The following CHAF1B variants were observed in gnomAD, a reference collection of about 807,000 sequenced individuals.
CHAF1B encodes the protein CAF-1 subunit B.
In CHAF1B, 10 loss-of-function variants were observed where a neutral mutation model predicts 60.7. The ratio of observed to expected loss-of-function variants is 0.16; its 90% confidence interval spans 0.10 to 0.28. CHAF1B has a LOEUF of 0.28. Among genes scored for constraint, CHAF1B ranks in the 10% least tolerant of loss-of-function variants. CHAF1B has a pLI of 1.00. For synonymous variants in CHAF1B, 261 were observed against 266.1 expected (o/e 0.98, Z 0.19); for missense variants, 558 against 708.4 (o/e 0.79, Z 2.41).
chr21:36,386,181 C>G lies in CHAF1B; in HGVS notation c.45C>G (p.Pro15=), dbSNP rs376058259. The change falls in exon 2 of 14, where the codon CCC becomes CCG. Residue 15 remains proline (P), a synonymous_variant. Coordinates refer to ENST00000314103, the MANE Select transcript of CHAF1B (RefSeq NM_005441.3). ...TCEIAWHNKE[P]VYSLDFQHGT... Reference sequence around the variant, plus strand: ...AAATAGCCTGGCACAACAAGGAGCCCGTGTACAGCCTGGACTTCCAGCATG... The same window carrying G: ...AAATAGCCTGGCACAACAAGGAGCCGGTGTACAGCCTGGACTTCCAGCATG... The G allele has an allele frequency of 8.7e-6, 14 of 1,614,052 alleles. No individual in the cohort carries two copies. The highest frequency in any genetic ancestry group is 1.2e-5 in the Non-Finnish European group (14 of 1,180,032).
intron 5 of CHAF1B, among the ~76,000 whole-genome samples, chr21:36,395,543 G>T (rs1198244322): frequency 6.6e-6 from 1 of 152,186 alleles, no homozygotes; most frequent in Non-Finnish European, 1.5e-5. Flanking sequence ...AAGATGACAG[G>T]CCCGGGCCCT....
At chr21:36,404,504 G>A (rs573690264) in intron 8 of CHAF1B, among the ~76,000 whole-genome samples, 5 of 147,614 alleles carry the variant, frequency 3.4e-5, no homozygotes, top group African/African-American at 7.5e-5. Flanking sequence ...GCACGATCTC[G>A]GCTCACAGCA....
intron 6 of CHAF1B, 132 bp downstream of exon 6, chr21:36,397,643 C>T (rs1014933134): frequency 1.1e-4 from 44 of 410,566 alleles, no homozygotes; most frequent in Non-Finnish European, 1.8e-4. Context: ...TGTTTTCATA[C>T]TCATTCTTAC....
At chr21:36,401,130 A>G (rs2086184204) in intron 7 of CHAF1B, among the ~76,000 whole-genome samples, 1 of 151,810 alleles carries the variant, frequency 6.6e-6, no homozygotes, top group Admixed American at 6.6e-5. Context: ...TGCTGGGCAT[A>G]GTGGCGCATG....
intron 4 of CHAF1B, 55 bp from the exon 5 acceptor site, chr21:36,394,491 TA>T: frequency 8.0e-7 from 1 of 1,246,434 alleles, no homozygotes; most frequent in Non-Finnish European, 1.2e-6. Flanking sequence ...ATTACAGGGG[TA>T]AGCTGCTATA....
rs147344938 is a variant in CHAF1B, at chr21:36,415,465, C to T, written c.1588+76C>T. The T allele has an allele frequency of 2.9e-4, 295 of 1,032,004 alleles. No homozygotes were observed. In the African/African-American group the frequency reaches 3.6e-3, roughly 12 times the overall value. The allele number at this position is 1,032,004 out of a possible 1,614,324, so 63.9% of individuals were successfully genotyped here. On this transcript the variant is annotated intron_variant, in intron 13 of 13. Transcript: ENST00000314103. ...CTTTTGTTCTTTTGGAAATTAATGC[C>T]GCCTAATTTTAAGTCAGTTCTGAGA...
intron 5 of CHAF1B, among the ~76,000 whole-genome samples, chr21:36,396,330 G>A (rs62229409): frequency 0.097 from 13,284 of 136,390 alleles, 798 homozygotes; most frequent in Non-Finnish European, 0.13. Context: ...AAGTGTGATG[G>A]GTTGTTACTG....
intron 8 of CHAF1B, among the ~76,000 whole-genome samples, chr21:36,404,732 CTTTTT>C (rs61593376): frequency 9.9e-5 from 5 of 50,544 alleles, no homozygotes; most frequent in Admixed American, 3.7e-4. Flanking sequence ...TTGCGCTGGC[CTTTTT>C]TTTTTTTTTT....
chr21:36,404,413 A>T lies in CHAF1B; in HGVS notation c.757+1562A>T, dbSNP rs866397420. On this transcript the variant is annotated intron_variant, in intron 8 of 13. Transcript: ENST00000314103. Reference sequence around the variant, plus strand: ...CACGCCCGGCCCTTTTTTTTTTTTTAAATTATTTATTTTATTTATTTATTA... The same window carrying T: ...CACGCCCGGCCCTTTTTTTTTTTTTTAATTATTTATTTTATTTATTTATTA... 4.8e-3 allele frequency among the ~76,000 whole-genome samples: 615 copies of T among 128,950 alleles called. 9 individuals are homozygous for T. Among genetic ancestry groups the T allele is most frequent in the African/African-American group, 0.017 (554 of 31,862 alleles). The allele number at this position is 128,950 out of a possible 152,430, so 84.6% of individuals were successfully genotyped here.
intron 8 of CHAF1B, 58 bp from the exon 9 acceptor site, chr21:36,408,703 G>A: frequency 8.1e-7 from 1 of 1,242,052 alleles, no homozygotes; most frequent in Non-Finnish European, 1.2e-6. Flanking sequence ...TTCTGTTGGT[G>A]AACAGTTTGC....
chr21:36,415,500 T>G (rs2086311186), intron 13 of CHAF1B, 111 bp downstream of exon 13: 2 of 764,108 alleles, frequency 2.6e-6, no homozygotes, highest in South Asian at 3.2e-5. Context: ...ACAGCAGGGA[T>G]GCATCTTATT....
At position 36,386,282 on chromosome 21, in the gene CHAF1B, G is replaced by A. The variant is rs1420143484; in HGVS notation, c.126+20G>A. 1 of 1,612,134 alleles carries A rather than the reference G, an allele frequency of 6.2e-7. No homozygotes were observed. The highest frequency in any genetic ancestry group is 1.3e-5 in the African/African-American group (1 of 74,846). ...GTCAGGGTAAACTGGGGCAGAGATA[G>A]ACATCCGGGAACACTGCTTGAAGCA... On this transcript the variant is annotated intron_variant, in intron 2 of 13. Transcript: ENST00000314103.
intron 9 of CHAF1B, 105 bp from the exon 10 acceptor site, chr21:36,409,269 G>A: frequency 1.3e-6 from 1 of 756,428 alleles, no homozygotes; most frequent in Admixed American, 2.1e-5. Flanking sequence ...CCAAAGTGCT[G>A]GGTTTATAGG....
chr21:36,387,145 A>G (rs2086041418), intron 2 of CHAF1B, among the ~76,000 whole-genome samples: 1 of 151,814 alleles, frequency 6.6e-6, no homozygotes, highest in South Asian at 2.1e-4. Context: ...GTAGACATTT[A>G]TGTTTTAGAT....
chr21:36,406,761 T>G (rs987617410), intron 8 of CHAF1B, among the ~76,000 whole-genome samples: 4 of 152,170 alleles, frequency 2.6e-5, no homozygotes, highest in Admixed American at 2.0e-4. Flanking sequence ...TTCAGGAATA[T>G]AATACATTGT....
At chr21:36,397,687 A>G in intron 6 of CHAF1B, 176 bp downstream of exon 6, 1 of 385,264 alleles carries the variant, frequency 2.6e-6, no homozygotes, top group Non-Finnish European at 4.6e-6. Context: ...AATTAGGACA[A>G]GTGCCTTACA....
chr21:36,408,982 G>A, intron 9 of CHAF1B, 152 bp downstream of exon 9: 1 of 578,488 alleles, frequency 1.7e-6, no homozygotes, highest in African/African-American at 1.9e-5. Flanking sequence ...AGCCTCTTGA[G>A]TAGGTGGGAT....
intron 7 of CHAF1B, 46 bp downstream of exon 7, chr21:36,399,651 A>G (rs760033114): frequency 6.6e-7 from 1 of 1,504,644 alleles, no homozygotes; most frequent in South Asian, 1.1e-5. Context: ...TTTAACTGAG[A>G]CTTAGGAAGT....
Position 36,417,317 on chromosome 21 carries a change from T to G in CHAF1B, c.*951T>G, listed in dbSNP as rs1347113839. 3 of 150,044 alleles carry G rather than the reference T, an allele frequency of 2.0e-5. No homozygotes were observed. The highest frequency in any genetic ancestry group is 4.4e-5 in the Non-Finnish European group (3 of 67,614). 9.3% of individuals were successfully genotyped at this position (150,044 alleles called of 1,614,324 possible). A position where few individuals can be genotyped will look rare whatever the true frequency, so the allele number is the denominator to read the frequency against. On this transcript the variant is annotated 3_prime_UTR_variant, in exon 14 of 14. Coordinates refer to ENST00000314103, the MANE Select transcript of CHAF1B (RefSeq NM_005441.3). ...ATATACACACACACACAAGTATGTG[T>G]GTATATATATATTTTTTTTCTTTTT...
Sources: allele counts gnomAD v4.1 joint callset (sites outside exome capture counted in the v4.1 genomes callset), GRCh38; gene constraint gnomAD v4.1.1; transcripts MANE v1.5; gene names NCBI Gene and HGNC (gene_info 2026-07-23, HGNC 2026-07-21).